Variants in PGM5 observed in about 807,000 individuals in gnomAD.
PGM5 encodes the protein phosphoglucomutase-like protein 5.
PGM5 carries 23 observed loss-of-function variants against 59.2 expected under a neutral mutation model. The ratio of observed to expected loss-of-function variants is 0.39; its 90% CI spans 0.28 to 0.55. The LOEUF is 0.55. Among genes scored for constraint, PGM5 ranks in the 20% least tolerant of loss-of-function variants. The probability of loss-of-function intolerance (pLI) is 0.66; values close to 1 mark genes in which losing one functional copy is unlikely to be tolerated. For synonymous variants in PGM5, 214 were observed against 286.0 expected, an observed-to-expected ratio of 0.75 and a Z score of 2.54; for missense variants, 574 against 748.3, an observed-to-expected ratio of 0.77 and a Z score of 2.72.
chr9:68,515,568 C>T (rs928156850), intron 10 of PGM5, among the ~76,000 whole-genome samples: 2 of 152,196 alleles, frequency 1.3e-5, no homozygotes, highest in Non-Finnish European at 2.9e-5. Flanking sequence ...TGATTGTACT[C>T]TCTCTGGCTG....
rs1316060107 is a variant in PGM5 at position 68,357,142 on chromosome 9, C to T, written c.15C>T (p.Pro5=). MEGS[P]IPVLTVPTAP... ...CAGGAGGCGCCATGGAGGGGAGCCC[C>T]ATCCCGGTGCTGACAGTGCCCACCG... The change falls in exon 1 of 11, where the codon CCC becomes CCT. Residue 5 remains proline (P), a synonymous_variant. Coordinates refer to ENST00000396396, the MANE Select transcript of PGM5 (RefSeq NM_021965.4). The T allele has an allele frequency of 3.3e-6, 5 of 1,530,058 alleles. No individual in the cohort carries two copies. Among genetic ancestry groups the T allele is most frequent in the Non-Finnish European group, 4.4e-6 (5 of 1,143,198 alleles). 94.8% of individuals were successfully genotyped at this position (1,530,058 alleles called of 1,614,324 possible).
At chr9:68,494,461 A>G (rs1824450557) in intron 9 of PGM5, among the ~76,000 whole-genome samples, 1 of 152,146 alleles carries the variant, frequency 6.6e-6, no homozygotes, top group Non-Finnish European at 1.5e-5. Flanking sequence ...GAGGCAAGTG[A>G]CCCAGAAAAA....
rs1369297306 is a variant in PGM5 at position 68,438,513 on chromosome 9, A to G, written c.1044-26580A>G. On this transcript the variant is annotated intron_variant, in intron 6 of 10. Coordinates refer to ENST00000396396, the MANE Select transcript of PGM5 (RefSeq NM_021965.4). The stretch of plus-strand genomic sequence containing the variant: ...AATCTGAATGTTGAAAAAGCTTCCC[A>G]TTTAGTTCTGATTTTGAGTAAGATG... 4.6e-5 allele frequency among the ~76,000 whole-genome samples: 7 copies of G among 152,190 alleles called. No individual in the cohort carries two copies. In the East Asian group the frequency reaches 1.4e-3, roughly 29 times the overall value.
chr9:68,412,729 C>A (rs1822955492), intron 6 of PGM5, among the ~76,000 whole-genome samples: 1 of 152,182 alleles, frequency 6.6e-6, no homozygotes, highest in Non-Finnish European at 1.5e-5. Flanking sequence ...CTAAAGGGAC[C>A]ATTTTCTTAA....
rs1822158058 is a variant in PGM5, at chr9:68,384,313, G to T, written c.425-85G>T. On this transcript the variant is annotated intron_variant, in intron 2 of 10. Transcript: ENST00000396396. Reference sequence around the variant, plus strand: ...TTAGAGAACAAATGAATCTTTTTCTGCCTGGTGGAGGAGGATGGTAACATT... The same window carrying T: ...TTAGAGAACAAATGAATCTTTTTCTTCCTGGTGGAGGAGGATGGTAACATT... 4.7e-6 allele frequency: 4 copies of T among 848,000 alleles called. No individual in the cohort carries two copies. In the African/African-American group the frequency reaches 6.8e-5, roughly 14 times the overall value. The allele number at this position is 848,000 out of a possible 1,614,324, so 52.5% of individuals were successfully genotyped here. A position where few individuals can be genotyped will look rare whatever the true frequency, so the allele number is the denominator to read the frequency against.
At chr9:68,382,002 A>G (rs1361704458) in intron 2 of PGM5, among the ~76,000 whole-genome samples, 4 of 151,974 alleles carry the variant, frequency 2.6e-5, no homozygotes, top group East Asian at 1.9e-4. Flanking sequence ...CAAAATTTCA[A>G]TAACATTCTT....
intron 2 of PGM5, among the ~76,000 whole-genome samples, chr9:68,381,249 G>T (rs1822064284): frequency 6.6e-6 from 1 of 151,906 alleles, no homozygotes; most frequent in Non-Finnish European, 1.5e-5. Context: ...TGCAAGACTG[G>T]CTAAACAGAA....
chr9:68,497,586 A>G (rs1380415181), intron 9 of PGM5: 3 of 152,242 alleles, frequency 2.0e-5, no homozygotes, highest in Admixed American at 2.0e-4. Context: ...GGTGGGGGTA[A>G]ATAATTGCAG....
chr9:68,392,251 G>T, intron 5 of PGM5, 68 bp from the exon 6 acceptor site: 4 of 1,582,626 alleles, frequency 2.5e-6, no homozygotes, highest in Middle Eastern at 2.3e-4. Flanking sequence ...AGTGGATTGT[G>T]ATGATTATGG....
chr9:68,404,711 G>C (rs1263815880), intron 6 of PGM5, among the ~76,000 whole-genome samples: 1 of 152,120 alleles, frequency 6.6e-6, no homozygotes. Flanking sequence ...GTCCCTGATG[G>C]CATTGGTGGT....
At chr9:68,379,277 G>A (rs1587778969) in intron 2 of PGM5, among the ~76,000 whole-genome samples, 1 of 152,094 alleles carries the variant, frequency 6.6e-6, no homozygotes, top group African/African-American at 2.4e-5. Context: ...TTTTAATCTA[G>A]AACACTGAGT....
At chr9:68,515,131 A>G (rs1824806338) in intron 10 of PGM5, among the ~76,000 whole-genome samples, 1 of 152,246 alleles carries the variant, frequency 6.6e-6, no homozygotes, top group South Asian at 2.1e-4. Flanking sequence ...GAAAAGGTCA[A>G]TTATTTAAAA....
intron 6 of PGM5, among the ~76,000 whole-genome samples, chr9:68,412,491 C>A (rs1822951298): frequency 6.6e-6 from 1 of 152,224 alleles, no homozygotes; most frequent in African/African-American, 2.4e-5. Context: ...GAGGGAAAAG[C>A]ACTGTCGAAC....
At chr9:68,438,663 C>A (rs1823479058) in intron 6 of PGM5, among the ~76,000 whole-genome samples, 1 of 152,122 alleles carries the variant, frequency 6.6e-6, no homozygotes, top group Non-Finnish European at 1.5e-5. Context: ...TTGGAGAAGA[C>A]CAGAATTTAA....
chr9:68,464,229 G>A (rs543890716), intron 6 of PGM5, among the ~76,000 whole-genome samples: 15 of 152,274 alleles, frequency 9.9e-5, no homozygotes, highest in Middle Eastern at 3.4e-3. Flanking sequence ...AGGTTCCCCA[G>A]GAAGCAGCTC....
intron 10 of PGM5, among the ~76,000 whole-genome samples, chr9:68,525,900 C>CA (rs1587235244): frequency 6.6e-6 from 1 of 151,906 alleles, no homozygotes; most frequent in East Asian, 1.9e-4. Context: ...ACTAAAAATA[C>CA]AAAAAATTAT....
intron 1 of PGM5, among the ~76,000 whole-genome samples, chr9:68,375,136 G>A (rs1329033159): frequency 1.3e-5 from 2 of 152,148 alleles, no homozygotes; most frequent in South Asian, 2.1e-4. Flanking sequence ...ATGACATGGC[G>A]GCTGGTCTCT....
intron 6 of PGM5, among the ~76,000 whole-genome samples, chr9:68,455,829 A>G (rs1400065749): frequency 6.6e-6 from 1 of 152,230 alleles, no homozygotes; most frequent in Non-Finnish European, 1.5e-5. Flanking sequence ...TAGGTTTTCA[A>G]TATGGACTAT....
At chr9:68,438,724 C>T (rs575456922) in intron 6 of PGM5, among the ~76,000 whole-genome samples, 1 of 152,282 alleles carries the variant, frequency 6.6e-6, no homozygotes, top group Non-Finnish European at 1.5e-5. Flanking sequence ...CAGTATTCTT[C>T]CACTTGAACC....
Sources: gnomAD v4.1 joint callset for allele counts (sites outside exome capture counted in the v4.1 genomes callset) on GRCh38, gnomAD v4.1.1 for gene constraint, MANE v1.5 for transcripts, NCBI Gene and HGNC (gene_info 2026-07-23, HGNC 2026-07-21) for gene names.